INPP4B: variants seen among roughly 807,000 people sequenced by gnomAD.
INPP4B encodes inositol polyphosphate 4-phosphatase type II.
A neutral mutation model predicts 122.5 loss-of-function variants in INPP4B; 55 were observed. The observed-to-expected ratio is 0.45, with a 90% confidence interval of 0.36 to 0.56. The LOEUF (loss-of-function observed/expected upper bound fraction) is 0.56. INPP4B is among the 20% of genes least tolerant of loss of function. INPP4B has a pLI of 0.00. For synonymous variants in INPP4B, 403 were observed against 388.7 expected (o/e 1.04, Z -0.43); for missense variants, 1,000 against 1,097.7 (o/e 0.91, Z 1.26).
intron 7 of INPP4B, among the ~76,000 whole-genome samples, chr4:142,379,595 T>C (rs1197762105): frequency 6.6e-6 from 1 of 152,202 alleles, no homozygotes; most frequent in Non-Finnish European, 1.5e-5. Flanking sequence ...TGTGTTTCTT[T>C]AAAACGTCCT....
At chr4:142,276,691 C>T (rs550614245) in intron 9 of INPP4B, among the ~76,000 whole-genome samples, 1 of 151,702 alleles carries the variant, frequency 6.6e-6, no homozygotes, top group Admixed American at 6.6e-5. Flanking sequence ...ATTTATATAG[C>T]CTGGGCCACA....
At chr4:142,384,039 G>A (rs748257725) in intron 7 of INPP4B, 24 of 701,024 alleles carry the variant, frequency 3.4e-5, no homozygotes, top group Non-Finnish European at 6.2e-5. Context: ...ACAGGTGACT[G>A]AGCAAGTTGT....
chr4:142,285,853 G>T (rs1753407402), intron 9 of INPP4B, among the ~76,000 whole-genome samples: 1 of 152,084 alleles, frequency 6.6e-6, no homozygotes, highest in African/African-American at 2.4e-5. Context: ...AAGAAACTCA[G>T]TTTAGCTAGG....
At chr4:142,795,753 T>G (rs1199808773) in intron 1 of INPP4B, 1 of 151,984 alleles carries the variant, frequency 6.6e-6, no homozygotes, top group African/African-American at 2.4e-5. Flanking sequence ...CCAAAAAAAC[T>G]ATGTCATCTC....
intron 21 of INPP4B, among the ~76,000 whole-genome samples, chr4:142,115,474 T>G (rs1578954321): frequency 6.6e-6 from 1 of 152,128 alleles, no homozygotes; most frequent in East Asian, 1.9e-4. Flanking sequence ...TGGCAGAAAC[T>G]CTACAAGCCA....
chr4:142,522,468 C>G (rs1826219265), intron 2 of INPP4B, among the ~76,000 whole-genome samples: 1 of 151,646 alleles, frequency 6.6e-6, no homozygotes. Flanking sequence ...CATCAACCTC[C>G]TGGGCAGCTG....
intron 1 of INPP4B, among the ~76,000 whole-genome samples, chr4:142,828,260 T>C (rs1169578240): frequency 6.6e-6 from 1 of 152,070 alleles, no homozygotes; most frequent in Non-Finnish European, 1.5e-5. Context: ...AGAATAGATA[T>C]TAAGGCCTTA....
intron 1 of INPP4B, among the ~76,000 whole-genome samples, chr4:142,825,844 T>A (rs1184859117): frequency 6.6e-6 from 1 of 152,082 alleles, no homozygotes; most frequent in African/African-American, 2.4e-5. Flanking sequence ...GGCTATAGTA[T>A]AGGGTACAGC....
intron 1 of INPP4B, among the ~76,000 whole-genome samples, chr4:142,815,052 T>C (rs552034818): frequency 6.6e-6 from 1 of 152,288 alleles, no homozygotes; most frequent in Non-Finnish European, 1.5e-5. Flanking sequence ...TTTCATATGA[T>C]GTGAGGAGAC....
In INPP4B at chr4:142,039,327, AAAC is replaced by A. The variant is rs369514432; in HGVS notation, c.2643-10416_2643-10414del. ...TTTTCAACTTCAATATTGAAAATAA[AAAC>A]AAAACTACATGAATATATTTAAATG... is the stretch of plus-strand genomic sequence containing the variant. On this transcript the variant is annotated intron_variant, in intron 25 of 25. Coordinates refer to ENST00000262992, the MANE Select transcript of INPP4B (RefSeq NM_001101669.3). Among the ~76,000 whole-genome samples the A allele has an allele frequency of 4.4e-4, 67 of 152,336 alleles. 1 individual carries two copies. In the South Asian group the frequency reaches 0.013, roughly 31 times the overall value.
At chr4:142,242,235 A>T (rs766537851) in intron 11 of INPP4B, among the ~76,000 whole-genome samples, 7 of 152,180 alleles carry the variant, frequency 4.6e-5, no homozygotes, top group Non-Finnish European at 1.0e-4. Context: ...AAATCTAAAC[A>T]GAAATTTTAC....
At chr4:142,567,841 A>G (rs1731965391) in intron 2 of INPP4B, among the ~76,000 whole-genome samples, 2 of 152,134 alleles carry the variant, frequency 1.3e-5, no homozygotes, top group Non-Finnish European at 2.9e-5. Context: ...CTGTAAATGA[A>G]TAAGAAAAAA....
intron 11 of INPP4B, among the ~76,000 whole-genome samples, chr4:142,244,793 G>A (rs1727057242): frequency 6.6e-6 from 1 of 152,140 alleles, no homozygotes; most frequent in African/African-American, 2.4e-5. Context: ...AGATCCTTGA[G>A]GAATCTCCAC....
chr4:142,334,818 A>ATTTT (rs1775990268), intron 7 of INPP4B, among the ~76,000 whole-genome samples: 1 of 151,584 alleles, frequency 6.6e-6, no homozygotes, highest in Admixed American at 6.6e-5. Flanking sequence ...GTTGTTTTTT[A>ATTTT]TTTTTTATTG....
chr4:142,353,772 C>G (rs2151835153), intron 7 of INPP4B, among the ~76,000 whole-genome samples: 1 of 152,102 alleles, frequency 6.6e-6, no homozygotes, highest in South Asian at 2.1e-4. Flanking sequence ...TTTCTAATAG[C>G]ATTTGCAAAT....
intron 2 of INPP4B, among the ~76,000 whole-genome samples, chr4:142,628,333 T>TTCTCAC (rs1747025969): frequency 7.0e-6 from 1 of 143,072 alleles, no homozygotes; most frequent in Non-Finnish European, 1.5e-5. Context: ...ACACCGCATA[T>TTCTCAC]TCTCACTCAT....
chr4:142,564,439 CAA>C (rs199803105), intron 2 of INPP4B, among the ~76,000 whole-genome samples: 92 of 97,818 alleles, frequency 9.4e-4, no homozygotes, highest in Middle Eastern at 5.9e-3. Context: ...TAAGGAATGG[CAA>C]AAAAAAAAAA....
At chr4:142,053,818 C>T (rs955422309) in intron 25 of INPP4B, among the ~76,000 whole-genome samples, 5 of 152,026 alleles carry the variant, frequency 3.3e-5, no homozygotes, top group Admixed American at 1.3e-4. Flanking sequence ...TGATTTTTAT[C>T]GGTGACATAG....
intron 2 of INPP4B, among the ~76,000 whole-genome samples, chr4:142,619,663 G>A (rs1233044978): frequency 6.6e-6 from 1 of 151,922 alleles, no homozygotes; most frequent in Non-Finnish European, 1.5e-5. Context: ...AGTTATGCAA[G>A]GTTATTAAGT....
Sources: allele counts gnomAD v4.1 joint callset (sites outside exome capture counted in the v4.1 genomes callset), GRCh38; gene constraint gnomAD v4.1.1; transcripts MANE v1.5; gene names NCBI Gene and HGNC (gene_info 2026-07-23, HGNC 2026-07-21).